The following NFATC3 variants were observed in gnomAD, a reference collection of about 807,000 sequenced individuals.
NFATC3 encodes nuclear factor of activated T-cells, cytoplasmic 3.
Under a neutral mutation model 98.6 loss-of-function variants are expected in NFATC3, and 46 were observed. That is an observed-to-expected ratio of 0.47 (90% CI 0.37 to 0.60). The LOEUF (loss-of-function observed/expected upper bound fraction) is 0.60, where lower values mean the gene tolerates loss of function less well. Ranked by LOEUF, NFATC3 falls within the 20% of genes least tolerant of loss-of-function variation. The pLI, the probability that NFATC3 is intolerant of heterozygous loss-of-function variation, is 0.00. For missense variants in NFATC3, 1,256 were observed against 1,295.5 expected (o/e 0.97, Z 0.47); for synonymous variants, 512 against 472.2 (o/e 1.08, Z -1.09).
At chr16:68,165,541 C>G (rs1333059589) in intron 4 of NFATC3, among the ~76,000 whole-genome samples, 1 of 151,786 alleles carries the variant, frequency 6.6e-6, no homozygotes, top group South Asian at 2.1e-4. Flanking sequence ...AGACTACAGG[C>G]ACACGCCACC....
chr16:68,113,047 A>T (rs2036066806), intron 1 of NFATC3, among the ~76,000 whole-genome samples: 1 of 152,130 alleles, frequency 6.6e-6, no homozygotes, highest in Admixed American at 6.5e-5. Flanking sequence ...CCTTTAGCTC[A>T]GCGAAGTTTG....
At chr16:68,106,726 G>A (rs947398775) in intron 1 of NFATC3, among the ~76,000 whole-genome samples, 5 of 150,722 alleles carry the variant, frequency 3.3e-5, no homozygotes, top group South Asian at 2.1e-4. Flanking sequence ...GTACCCGGAC[G>A]CCTTTTTTTT....
chr16:68,224,274 CTTTTTTTTT>C (rs952835724), intron 9 of NFATC3, among the ~76,000 whole-genome samples: 1 of 121,668 alleles, frequency 8.2e-6, no homozygotes, highest in African/African-American at 3.3e-5. Context: ...TAAGCCAAAT[CTTTTTTTTT>C]TTTTTTTTTT....
At chr16:68,165,572 T>C (rs1417803605) in intron 4 of NFATC3, among the ~76,000 whole-genome samples, 1 of 152,054 alleles carries the variant, frequency 6.6e-6, no homozygotes, top group Non-Finnish European at 1.5e-5. Flanking sequence ...AATTTTTGTA[T>C]TTTAGCAGAG....
Position 68,226,546 on chromosome 16 carries a change from T to C in NFATC3, c.*75T>C. On this transcript the variant is annotated 3_prime_UTR_variant, in exon 10 of 10. Transcript: ENST00000346183. The stretch of plus-strand genomic sequence containing the variant: ...TCTCCTTGGACCTTGGGTTTCCAAC[T>C]CTGCAGCCTTCAGGTCTGGGGCCAG... The C allele has an allele frequency of 7.0e-7, 1 of 1,422,494 alleles. No individual in the cohort carries two copies. The highest frequency in any genetic ancestry group is 9.2e-7 in the Non-Finnish European group (1 of 1,087,176). 88.1% of individuals were successfully genotyped at this position (1,422,494 alleles called of 1,614,324 possible).
At chr16:68,172,938 A>T (rs2151609505) in intron 5 of NFATC3, among the ~76,000 whole-genome samples, 1 of 152,274 alleles carries the variant, frequency 6.6e-6, no homozygotes. Context: ...GAAAGGTGGC[A>T]CCGTAAGCAC....
At chr16:68,206,813 T>G (rs2041164225) in intron 9 of NFATC3, among the ~76,000 whole-genome samples, 1 of 151,726 alleles carries the variant, frequency 6.6e-6, no homozygotes, top group African/African-American at 2.4e-5. Context: ...CGAGACCCCA[T>G]GTCTATAAAA....
At chr16:68,216,125 G>A (rs1296543939) in intron 9 of NFATC3, among the ~76,000 whole-genome samples, 2 of 152,088 alleles carry the variant, frequency 1.3e-5, no homozygotes, top group Non-Finnish European at 2.9e-5. Context: ...GTGTTGAAGA[G>A]GTTCCAGAGC....
Position 68,126,643 on chromosome 16 carries a change from C to G in NFATC3, c.1401+33C>G, listed in dbSNP as rs774317052. The stretch of plus-strand genomic sequence containing the variant: ...ACTTTTGGGGCTTGTTTTGCAGATA[C>G]CATACACCTAGTGATGATTAGACAA... On this transcript the variant is annotated intron_variant, in intron 3 of 9. Transcript: ENST00000346183. 8 of 1,607,956 alleles carry G rather than the reference C, an allele frequency of 5.0e-6. No homozygotes were observed. In the East Asian group the frequency reaches 1.8e-4, roughly 36 times the overall value.
chr16:68,121,105 C>T (rs1182703771), intron 1 of NFATC3, among the ~76,000 whole-genome samples: 1 of 151,414 alleles, frequency 6.6e-6, no homozygotes, highest in Non-Finnish European at 1.5e-5. Context: ...AAAAAAAAAT[C>T]CAAAATCCCA....
intron 3 of NFATC3, among the ~76,000 whole-genome samples, chr16:68,145,818 A>T (rs1003369395): frequency 5.3e-5 from 8 of 152,236 alleles, no homozygotes; most frequent in Non-Finnish European, 8.8e-5. Flanking sequence ...ATATACACAC[A>T]TACAAATGAA....
At position 68,217,946 on chromosome 16, in the gene NFATC3, G is replaced by A; in HGVS notation, c.3107-8404G>A. 3.3e-6 allele frequency: 4 copies of A among 1,221,302 alleles called. No homozygotes were observed. In the South Asian group the frequency reaches 1.3e-4, roughly 39 times the overall value. 75.7% of individuals were successfully genotyped at this position (1,221,302 alleles called of 1,614,324 possible). On this transcript the variant is annotated intron_variant, in intron 9 of 9. Transcript: ENST00000346183. ...TGTGACTAACTAAACCTCGATTACT[G>A]TGGAAGAATGAATTAAGATAATTAG...
chr16:68,207,941 A>T (rs964531020), intron 9 of NFATC3, among the ~76,000 whole-genome samples: 4 of 152,064 alleles, frequency 2.6e-5, no homozygotes, highest in Non-Finnish European at 4.4e-5. Flanking sequence ...TATAATTTTG[A>T]TTTGCATTTC....
chr16:68,159,970 C>T (rs927833102), intron 4 of NFATC3, among the ~76,000 whole-genome samples: 4 of 151,774 alleles, frequency 2.6e-5, no homozygotes, highest in Non-Finnish European at 5.9e-5. Context: ...CCCAGCTACT[C>T]AGGAGGCTGA....
chr16:68,135,491 A>T (rs568633877), intron 3 of NFATC3, among the ~76,000 whole-genome samples: 12 of 149,868 alleles, frequency 8.0e-5, no homozygotes, highest in African/African-American at 2.9e-4. Context: ...AAAGAAACTG[A>T]ATTGTGTACT....
chr16:68,211,262 A>G (rs1873977579), intron 9 of NFATC3, among the ~76,000 whole-genome samples: 1 of 152,022 alleles, frequency 6.6e-6, no homozygotes, highest in Non-Finnish European at 1.5e-5. Flanking sequence ...ATCTCAGCTC[A>G]CTGCAACCTC....
In NFATC3 at chr16:68,085,676, A is replaced by T; in HGVS notation, c.-6A>T. Reference sequence around the variant, plus strand: ...AGGAGGAGCTGCAGCACCCTGGGCCACGCCGATGACTACTGCAAACTGTGG... The same window carrying T: ...AGGAGGAGCTGCAGCACCCTGGGCCTCGCCGATGACTACTGCAAACTGTGG... On this transcript the variant is annotated 5_prime_UTR_variant, in exon 1 of 10. Transcript: ENST00000346183. 6.6e-7 allele frequency: 1 copy of T among 1,511,994 alleles called. No homozygotes were observed. Among genetic ancestry groups the T allele is most frequent in the Non-Finnish European group, 8.8e-7 (1 of 1,132,222 alleles). The allele number at this position is 1,511,994 out of a possible 1,614,324, so 93.7% of individuals were successfully genotyped here. A position where few individuals can be genotyped will look rare whatever the true frequency, so the allele number is the denominator to read the frequency against.
intron 9 of NFATC3, among the ~76,000 whole-genome samples, chr16:68,198,283 A>G (rs1220753593): frequency 6.6e-6 from 1 of 151,694 alleles, no homozygotes; most frequent in African/African-American, 2.4e-5. Flanking sequence ...ATGCTACTAC[A>G]CTCCAGCCCA....
At position 68,191,717 on chromosome 16, in the gene NFATC3, A is replaced by G. The variant is rs2040417760; in HGVS notation, c.3048A>G (p.Pro1016=). 1 of 1,614,060 alleles carries G rather than the reference A, an allele frequency of 6.2e-7. No homozygotes were observed. Among genetic ancestry groups the G allele is most frequent in the Admixed American group, 1.7e-5 (1 of 59,986 alleles). The change falls in exon 9 of 10, where the codon CCA becomes CCG. Residue 1016 remains proline (P), a synonymous_variant. Coordinates refer to ENST00000346183, the MANE Select transcript of NFATC3 (RefSeq NM_173165.3). ...CAACTGTGAGCATTAAACCTGAACC[A>G]GAAGATCGAGAGCCTAACTTTGCAA... is the stretch of plus-strand genomic sequence containing the variant. The part of the protein sequence containing the change: ...DGATVSIKPE[P]EDREPNFATI...
Sources: allele counts gnomAD v4.1 joint callset (sites outside exome capture counted in the v4.1 genomes callset), GRCh38; gene constraint gnomAD v4.1.1; transcripts MANE v1.5; gene names NCBI Gene and HGNC (gene_info 2026-07-23, HGNC 2026-07-21).